Variants in SLC24A2 observed in about 807,000 individuals in gnomAD.
SLC24A2 encodes the protein sodium/potassium/calcium exchanger 2.
A neutral mutation model predicts 62.0 loss-of-function variants in SLC24A2; 36 were observed. The ratio of observed to expected loss-of-function variants is 0.58; its 90% CI spans 0.44 to 0.77. The LOEUF (loss-of-function observed/expected upper bound fraction) is 0.77, where lower values mean the gene tolerates loss of function less well. SLC24A2 is among the 30% of genes least tolerant of loss of function. The pLI is 0.00. For synonymous variants in SLC24A2, 358 were observed against 294.0 expected, an observed-to-expected ratio of 1.22 and a Z score of -2.23; for missense variants, 846 against 817.9, an observed-to-expected ratio of 1.03 and a Z score of -0.42.
chr9:19,802,359 T>A, the SLC24A2 span, among the ~76,000 whole-genome samples: 1 of 152,238 alleles, frequency 6.6e-6, no homozygotes, highest in African/African-American at 2.4e-5. Flanking sequence ...CTTGTGTAAG[T>A]GTATATTATA....
chr9:20,270,871 T>C, the SLC24A2 span, among the ~76,000 whole-genome samples: 1 of 152,308 alleles, frequency 6.6e-6, no homozygotes, highest in Non-Finnish European at 1.5e-5. Context: ...GCATTTAGAA[T>C]TCTACTATTC....
chr9:20,305,446 G>A, the SLC24A2 span, among the ~76,000 whole-genome samples: 1 of 151,732 alleles, frequency 6.6e-6, no homozygotes, highest in South Asian at 2.1e-4. Flanking sequence ...CAGTGTAGAT[G>A]ACTACCTATC....
At chr9:19,755,648 C>T (rs775924995) in intron 2 of SLC24A2, among the ~76,000 whole-genome samples, 16 of 152,178 alleles carry the variant, frequency 1.1e-4, no homozygotes, top group Admixed American at 2.0e-4. Flanking sequence ...TCAGTAAGGT[C>T]ATCCCTGCTG....
the SLC24A2 span, among the ~76,000 whole-genome samples, chr9:20,215,986 T>C: frequency 3.3e-5 from 5 of 152,224 alleles, no homozygotes; most frequent in African/African-American, 9.6e-5. Flanking sequence ...TGAATCCTTT[T>C]ACTGTTGTTC....
At chr9:20,095,749 G>A in the SLC24A2 span, among the ~76,000 whole-genome samples, 1 of 150,286 alleles carries the variant, frequency 6.7e-6, no homozygotes, top group Non-Finnish European at 1.5e-5. Flanking sequence ...ACCCAAGACT[G>A]GGTAATTTAT....
At chr9:20,046,262 C>T in the SLC24A2 span, among the ~76,000 whole-genome samples, 3 of 152,220 alleles carry the variant, frequency 2.0e-5, no homozygotes, top group Non-Finnish European at 4.4e-5. Context: ...CAGCATCCAT[C>T]TTCATACTGT....
chr9:19,747,916 G>C (rs1821880866), intron 2 of SLC24A2, among the ~76,000 whole-genome samples: 1 of 152,180 alleles, frequency 6.6e-6, no homozygotes, highest in South Asian at 2.1e-4. Context: ...GAGGCACAAA[G>C]AGGTTAATAA....
the SLC24A2 span, among the ~76,000 whole-genome samples, chr9:19,884,204 G>T: frequency 6.6e-6 from 1 of 152,126 alleles, no homozygotes; most frequent in Non-Finnish European, 1.5e-5. Context: ...ATAACAATGT[G>T]TATTAGTTTA....
chr9:20,091,740 T>C, the SLC24A2 span, among the ~76,000 whole-genome samples: 2 of 152,282 alleles, frequency 1.3e-5, no homozygotes, highest in African/African-American at 2.4e-5. Flanking sequence ...GGACCATTAC[T>C]AGCCAATACA....
chr9:20,096,081 ATCCATCCGTCCGTCCGTCCG>A, the SLC24A2 span, among the ~76,000 whole-genome samples: 1 of 139,598 alleles, frequency 7.2e-6, no homozygotes, highest in African/African-American at 3.2e-5. Context: ...CCATCCATCC[ATCCATCCGTCCGTCCGTCCG>A]TCCGTCCGTC....
At chr9:19,665,521 A>G (rs1819226433) in intron 2 of SLC24A2, among the ~76,000 whole-genome samples, 1 of 152,174 alleles carries the variant, frequency 6.6e-6, no homozygotes, top group Admixed American at 6.5e-5. Flanking sequence ...CTCTATGGAA[A>G]CAGGCTTTAG....
At chr9:19,574,163 G>GCCT (rs1835939680) in intron 6 of SLC24A2, among the ~76,000 whole-genome samples, 1 of 152,198 alleles carries the variant, frequency 6.6e-6, no homozygotes, top group Non-Finnish European at 1.5e-5. Flanking sequence ...CTCTTCCAGT[G>GCCT]CCTAGGTGGC....
chr9:19,875,469 G>A, the SLC24A2 span, among the ~76,000 whole-genome samples: 252 of 152,180 alleles, frequency 1.7e-3, 2 homozygotes, highest in African/African-American at 5.9e-3. Flanking sequence ...TATGACATAC[G>A]GAGCCTCTTT....
the SLC24A2 span, among the ~76,000 whole-genome samples, chr9:20,038,394 C>T: frequency 1.3e-5 from 2 of 152,188 alleles, no homozygotes; most frequent in African/African-American, 2.4e-5. Flanking sequence ...CCCAATACCC[C>T]AGTAAGGACC....
chr9:20,155,979 T>C, the SLC24A2 span, among the ~76,000 whole-genome samples: 1 of 151,762 alleles, frequency 6.6e-6, no homozygotes. Flanking sequence ...ATTATAATAA[T>C]TTATTTATAA....
the SLC24A2 span, among the ~76,000 whole-genome samples, chr9:19,811,030 T>C: frequency 1.3e-5 from 2 of 152,174 alleles, no homozygotes; most frequent in East Asian, 3.9e-4. Flanking sequence ...TCAAATAAGT[T>C]ACGGACTGAA....
rs374080113 is a variant in SLC24A2 at position 19,552,313 on chromosome 9, G to C, written c.1348-2045C>G. ...GCCTCCCAAGGTGTCAGCTAGCTAC[G>C]TGAATAATCTTTGTGTCATGGGGCC... On this transcript the variant is annotated intron_variant, in intron 7 of 10. Transcript: ENST00000341998. 5.0e-4 allele frequency among the ~76,000 whole-genome samples: 76 copies of C among 152,262 alleles called. 1 individual carries two copies. The highest frequency in any genetic ancestry group is 1.7e-3 in the African/African-American group (71 of 41,560).
At chr9:19,851,687 C>A in the SLC24A2 span, among the ~76,000 whole-genome samples, 19 of 152,266 alleles carry the variant, frequency 1.2e-4, no homozygotes, top group African/African-American at 4.3e-4. Context: ...CATAGTATTC[C>A]ATGGTGTGTA....
At chr9:19,966,482 C>T in the SLC24A2 span, among the ~76,000 whole-genome samples, 1 of 151,942 alleles carries the variant, frequency 6.6e-6, no homozygotes, top group Non-Finnish European at 1.5e-5. Context: ...CTAAAGCTAC[C>T]AAAAATTAAT....
Sources: gnomAD v4.1 joint callset for allele counts (sites outside exome capture counted in the v4.1 genomes callset) on GRCh38, gnomAD v4.1.1 for gene constraint, MANE v1.5 for transcripts, NCBI Gene and HGNC (gene_info 2026-07-23, HGNC 2026-07-21) for gene names.